VPS26A: variants seen among roughly 807,000 people sequenced by gnomAD.
VPS26A encodes the protein VPS26 retromer complex component A, also known as vacuolar protein sorting-associated protein 26A.
Under a neutral mutation model 42.4 loss-of-function variants are expected in VPS26A, and 22 were observed. That is an observed-to-expected ratio of 0.52 (90% CI 0.37 to 0.74). The LOEUF is 0.74. Ranked by LOEUF, VPS26A falls within the 30% of genes least tolerant of loss-of-function variation. The pLI is 0.00. For missense variants in VPS26A, 276 were observed against 379.2 expected (o/e 0.73, Z 2.26); for synonymous variants, 110 against 123.5 (o/e 0.89, Z 0.73).
chr10:69,135,083 T>A (rs1378830349), intron 2 of VPS26A, among the ~76,000 whole-genome samples: 1 of 152,214 alleles, frequency 6.6e-6, no homozygotes, highest in East Asian at 1.9e-4. Context: ...CCAATCTAGC[T>A]TTCTTTCTAG....
At chr10:69,142,532 T>G (rs1841067788) in intron 2 of VPS26A, among the ~76,000 whole-genome samples, 1 of 151,938 alleles carries the variant, frequency 6.6e-6, no homozygotes, top group Non-Finnish European at 1.5e-5. Context: ...TCAGTAAAAT[T>G]AGGATAACTA....
intron 1 of VPS26A, among the ~76,000 whole-genome samples, chr10:69,125,422 G>A (rs147004955): frequency 5.4e-4 from 82 of 152,232 alleles, no homozygotes; most frequent in Middle Eastern, 3.4e-3. Context: ...TACAATGTAG[G>A]GAGAGATAAA....
rs368531993 is a variant in VPS26A, at chr10:69,126,899, G to A, written c.3+2619G>A. ...ATTTTTTTCTTTTTGTTCTCTACCT[G>A]TAAAATGTAAGATATCCACAATTTT... On this transcript the variant is annotated intron_variant, in intron 1 of 8. Transcript: ENST00000263559. Among the ~76,000 whole-genome samples the A allele has an allele frequency of 5.5e-4, 83 of 151,690 alleles. 1 individual carries two copies. In the South Asian group the frequency reaches 0.015, roughly 27 times the overall value.
chr10:69,134,553 G>A (rs1840862253), intron 2 of VPS26A, among the ~76,000 whole-genome samples: 1 of 152,062 alleles, frequency 6.6e-6, no homozygotes, highest in Non-Finnish European at 1.5e-5. Flanking sequence ...CATTGAATAT[G>A]ATCACTTTGT....
chr10:69,170,443 A>G (rs189379225), intron 8 of VPS26A: 3 of 152,274 alleles, frequency 2.0e-5, no homozygotes, highest in African/African-American at 4.8e-5. Context: ...AAAAAAGCCT[A>G]TAATGACTTC....
At chr10:69,154,892 C>T (rs531688063) in intron 2 of VPS26A, among the ~76,000 whole-genome samples, 14 of 152,094 alleles carry the variant, frequency 9.2e-5, no homozygotes, top group South Asian at 2.1e-4. Context: ...TGCGCGCACG[C>T]GCACGTGCGT....
In VPS26A at chr10:69,162,490, C is replaced by CA; in HGVS notation, c.642dup (p.Glu215ArgfsTer20). ...TACAACATATGGAGTTACAGCTGAT[C>CA]AAAAAAGAGATCACAGGAATTGGTA... On this transcript the variant is annotated frameshift_variant, in exon 6 of 9. Coordinates refer to ENST00000263559, the MANE Select transcript of VPS26A (RefSeq NM_004896.5). LOFTEE classifies it high-confidence loss of function. 1 of 1,551,550 alleles carries CA rather than the reference C, an allele frequency of 6.4e-7. No individual in the cohort carries two copies. Among genetic ancestry groups the CA allele is most frequent in the Non-Finnish European group, 8.8e-7 (1 of 1,139,908 alleles).
Position 69,157,018 on chromosome 10 carries a change from G to T in VPS26A, c.241G>T (p.Asp81Tyr). Residue 81 changes from aspartate to tyrosine, a missense_variant, in exon 4 of 9, where the codon GAC (aspartate) becomes TAC (tyrosine). Asp to Tyr is a radical substitution (Grantham distance 160, BLOSUM62 -3). Coordinates refer to ENST00000263559, the MANE Select transcript of VPS26A (RefSeq NM_004896.5). Reference sequence around the variant, plus strand: ...TTAAAATTTCTCAGAACTTTTCAATGACAAGAGTAATACTCATGAATTTGT... The same window carrying T: ...TTAAAATTTCTCAGAACTTTTCAATTACAAGAGTAATACTCATGAATTTGT... ...EFVGQIELFN[D>Y]KSNTHEFVNL... The T allele has an allele frequency of 6.3e-7, 1 of 1,591,238 alleles. No homozygotes were observed. Among genetic ancestry groups the T allele is most frequent in the South Asian group, 1.1e-5 (1 of 87,630 alleles).
At chr10:69,124,421 C>T (rs1269543084) in intron 1 of VPS26A, 141 bp downstream of exon 1, 5 of 978,808 alleles carry the variant, frequency 5.1e-6, no homozygotes, top group Non-Finnish European at 6.6e-6. Context: ...GTCGGGCCAC[C>T]CCTGGGTCTG....
At position 69,162,478 on chromosome 10, in the gene VPS26A, G is replaced by A. The variant is rs754771578; in HGVS notation, c.624G>A (p.Glu208=). The A allele has an allele frequency of 5.1e-6, 8 of 1,566,226 alleles. No homozygotes were observed. Among genetic ancestry groups the A allele is most frequent in the Non-Finnish European group, 2.6e-6 (3 of 1,145,614 alleles). Residue 208 remains glutamate, a synonymous_variant, in exon 6 of 9, where the codon GAG becomes GAA. Coordinates refer to ENST00000263559, the MANE Select transcript of VPS26A (RefSeq NM_004896.5). ...LLVRIKIQHM[E]LQLIKKEITG... ...TAAGAATAAAAATACAACATATGGA[G>A]TTACAGCTGATCAAAAAAGAGATCA...
In VPS26A at chr10:69,133,067, A is replaced by C. The variant is rs772897696; in HGVS notation, c.153+20A>C. ...GGAAAGGTAAATCTTCTGTTTGACA[A>C]AACTATCTAATTGTAAGATATCAGA... On this transcript the variant is annotated intron_variant, in intron 2 of 8. Transcript: ENST00000263559. 2 of 1,602,302 alleles carry C rather than the reference A, an allele frequency of 1.2e-6. No homozygotes were observed. The highest frequency in any genetic ancestry group is 1.1e-5 in the South Asian group (1 of 88,286).
intron 7 of VPS26A, among the ~76,000 whole-genome samples, chr10:69,167,733 A>G (rs1194561920): frequency 8.3e-6 from 1 of 120,948 alleles, no homozygotes; most frequent in African/African-American, 3.1e-5. Flanking sequence ...ACAGACCAAG[A>G]CTCCATCTCA....
chr10:69,141,207 TAGTAGCCAG>T (rs1265851405), intron 2 of VPS26A, among the ~76,000 whole-genome samples: 1 of 152,250 alleles, frequency 6.6e-6, no homozygotes, highest in Non-Finnish European at 1.5e-5. Flanking sequence ...ATATCATTTA[TAGTAGCCAG>T]AATAGTCTGG....
chr10:69,133,022 A>C lies in VPS26A; in HGVS notation c.128A>C (p.Tyr43Ser). Residue 43 changes from tyrosine (Y) to serine (S), a missense_variant, in exon 2 of 9, where the codon TAT (tyrosine) becomes TCT (serine). By Grantham distance (144) the Tyr-to-Ser change is moderately radical (BLOSUM62 -2). Transcript: ENST00000263559. ...DGKVEKHYLF[Y>S]DGESVSGKVN... Reference sequence around the variant, plus strand: ...AAAGTAGAAAAACACTATCTCTTCTATGACGGAGAATCCGTTTCAGGAAAG... The same window carrying C: ...AAAGTAGAAAAACACTATCTCTTCTCTGACGGAGAATCCGTTTCAGGAAAG... The C allele has an allele frequency of 1.2e-6, 2 of 1,605,826 alleles. No homozygotes were observed. The highest frequency in any genetic ancestry group is 1.7e-6 in the Non-Finnish European group (2 of 1,178,276).
chr10:69,130,134 ATTTG>A (rs67974518), intron 1 of VPS26A, among the ~76,000 whole-genome samples: 26,984 of 152,016 alleles, frequency 0.18, 2,777 homozygotes, highest in Non-Finnish European at 0.23. Flanking sequence ...TCTCTTGTAT[ATTTG>A]TTTATTTTCT....
At chr10:69,142,335 T>G (rs1395341202) in intron 2 of VPS26A, among the ~76,000 whole-genome samples, 1 of 149,424 alleles carries the variant, frequency 6.7e-6, no homozygotes, top group East Asian at 1.9e-4. Flanking sequence ...CGCAGACATA[T>G]GAACCACCCT....
intron 8 of VPS26A, chr10:69,170,298 T>C (rs549691208): frequency 2.0e-5 from 3 of 152,342 alleles, no homozygotes; most frequent in African/African-American, 7.2e-5. Context: ...ACATACATGA[T>C]TTATAACTTT....
At chr10:69,170,500 T>A (rs1841792712) in intron 8 of VPS26A, 1 of 152,014 alleles carries the variant, frequency 6.6e-6, no homozygotes, top group Non-Finnish European at 1.5e-5. Flanking sequence ...GTTCTCAGGA[T>A]GGATTGGTTA....
chr10:69,155,939 A>AG (rs1357572583), intron 3 of VPS26A, 52 bp downstream of exon 3: 24 of 1,435,090 alleles, frequency 1.7e-5, no homozygotes, highest in Non-Finnish European at 2.2e-5. Flanking sequence ...GAATTTGAAG[A>AG]GGGTTGGATT....
Sources: gnomAD v4.1 joint callset for allele counts (sites outside exome capture counted in the v4.1 genomes callset) on GRCh38, gnomAD v4.1.1 for gene constraint, MANE v1.5 for transcripts, NCBI Gene and HGNC (gene_info 2026-07-23, HGNC 2026-07-21) for gene names.